NLRC5: variants seen among roughly 807,000 people sequenced by gnomAD.
NLRC5 encodes protein NLRC5.
In NLRC5, 114 loss-of-function variants were observed where a neutral mutation model predicts 206.9. That is an observed-to-expected ratio of 0.55 (90% CI 0.47 to 0.64). The LOEUF (loss-of-function observed/expected upper bound fraction) is 0.64, where lower values mean the gene tolerates loss of function less well. Among genes scored for constraint, NLRC5 ranks in the 30% least tolerant of loss-of-function variants. The pLI, the probability that NLRC5 is intolerant of heterozygous loss-of-function variation, is 0.00. For missense variants in NLRC5, 2,008 were observed against 2,305.5 expected (o/e 0.87, Z 2.64); for synonymous variants, 952 against 962.8 (o/e 0.99, Z 0.21).
intron 18 of NLRC5, among the ~76,000 whole-genome samples, chr16:57,041,775 C>T (rs1212875660): frequency 1.3e-5 from 2 of 152,164 alleles, no homozygotes; most frequent in African/African-American, 4.8e-5. Context: ...CGGAGGCTCA[C>T]CCCTGGTCCC....
At chr16:56,996,941 C>A (rs1046852407) in intron 1 of NLRC5, among the ~76,000 whole-genome samples, 14 of 152,140 alleles carry the variant, frequency 9.2e-5, no homozygotes, top group Admixed American at 7.9e-4. Flanking sequence ...GTGATCACAG[C>A]CCACTGCAGC....
chr16:57,052,973 A>G (rs2065133076), intron 24 of NLRC5: 1 of 152,270 alleles, frequency 6.6e-6, no homozygotes, highest in African/African-American at 2.4e-5. Flanking sequence ...GCCAGGGTTT[A>G]AACTTTGTAG....
At chr16:57,011,625 G>A (rs1175960886) in intron 1 of NLRC5, among the ~76,000 whole-genome samples, 2 of 151,578 alleles carry the variant, frequency 1.3e-5, no homozygotes, top group East Asian at 3.9e-4. Context: ...AGGAGGGTGA[G>A]GCAGGGGAAT....
Position 57,043,524 on chromosome 16 carries a change from G to A in NLRC5, c.3123G>A (p.Glu1041=). ...LGALQSLNLS[E]NGLSLDAVLG... ...CCCCTGTGATCTCCAGCCTCAGTGA[G>A]AACGGTTTGTCCCTGGATGCCGTGT... is the stretch of plus-strand genomic sequence containing the variant. Residue 1041 remains glutamate (E), a synonymous_variant, in exon 20 of 49, where the codon GAG becomes GAA. Coordinates refer to ENST00000688547, the MANE Select transcript of NLRC5 (RefSeq NM_001384950.1). The A allele has an allele frequency of 6.2e-7, 1 of 1,614,100 alleles. No homozygotes were observed. Among genetic ancestry groups the A allele is most frequent in the Non-Finnish European group, 8.5e-7 (1 of 1,179,972 alleles).
At chr16:57,007,074 A>C (rs1597114109) in intron 1 of NLRC5, among the ~76,000 whole-genome samples, 2 of 152,212 alleles carry the variant, frequency 1.3e-5, no homozygotes, top group East Asian at 3.9e-4. Context: ...AAAAATCAAA[A>C]TGTGCACATT....
chr16:57,029,913 C>T lies in NLRC5; in HGVS notation c.2327+57C>T, dbSNP rs1203823538. 1.2e-5 allele frequency: 20 copies of T among 1,605,932 alleles called. No homozygotes were observed. In the Admixed American group the frequency reaches 3.3e-4, roughly 27 times the overall value. ...AGTCCCTCTCTATACCTGATTCACC[C>T]CACTCCCTTGCAAGGCAAGGAAGGT... On this transcript the variant is annotated intron_variant, in intron 9 of 48. Transcript: ENST00000688547.
intron 1 of NLRC5, among the ~76,000 whole-genome samples, chr16:57,011,658 G>T (rs1351026452): frequency 4.0e-5 from 6 of 151,670 alleles, no homozygotes; most frequent in Non-Finnish European, 8.8e-5. Context: ...GGAGTAGGAG[G>T]CTGCATGAGC....
At chr16:57,011,049 C>T (rs934461809) in intron 1 of NLRC5, among the ~76,000 whole-genome samples, 1 of 152,190 alleles carries the variant, frequency 6.6e-6, no homozygotes, top group Non-Finnish European at 1.5e-5. Flanking sequence ...TGTGTAGCTT[C>T]CCAGAGTTGG....
Position 57,067,743 on chromosome 16 carries a change from C to G in NLRC5, c.4414C>G (p.Gln1472Glu). Residue 1472 changes from glutamine (Q) to glutamate (E), a missense_variant, in exon 36 of 49, where the codon CAG becomes GAG. Physicochemically the swap from Gln to Glu is conservative, Grantham distance 29. Transcript: ENST00000688547. Reference sequence around the variant, plus strand: ...ATCCTTGGACCTTTTCAGCTTGTCTCAGGTTAACCTCTGTGAGGACGATGA... The same window carrying G: ...ATCCTTGGACCTTTTCAGCTTGTCTGAGGTTAACCTCTGTGAGGACGATGA... Reference protein sequence around the residue: ...CARLQQLSLSQVNLCEDDDAS... With the variant: ...CARLQQLSLSEVNLCEDDDAS... 6.2e-7 allele frequency: 1 copy of G among 1,614,032 alleles called. No homozygotes were observed. Among genetic ancestry groups the G allele is most frequent in the Non-Finnish European group, 8.5e-7 (1 of 1,179,856 alleles).
rs768541000 is a variant in NLRC5 at position 57,029,983 on chromosome 16, A to G, written c.2328-12A>G. 2 of 1,614,082 alleles carry G rather than the reference A, an allele frequency of 1.2e-6. No homozygotes were observed. The highest frequency in any genetic ancestry group is 2.2e-5 in the East Asian group (1 of 44,884). On this transcript the variant is annotated splice_polypyrimidine_tract_variant and intron_variant, in intron 9 of 48. Coordinates refer to ENST00000688547, the MANE Select transcript of NLRC5 (RefSeq NM_001384950.1). ...GGATTCCACTCCTGACACCTTTGCC[A>G]CAATCTTGCAGCCTGAGCAGCAACA...
chr16:57,047,559 C>T lies in NLRC5; in HGVS notation c.3353C>T (p.Pro1118Leu). Residue 1118 changes from proline (P) to leucine (L), a missense_variant, in exon 23 of 49, where the codon CCT becomes CTT. Transcript: ENST00000688547. ...CCCCTTTGCAGCCTCAGTGAGTGTC[C>T]TCTGGAGCCCCCAAGCCTCACCCGC... is the stretch of plus-strand genomic sequence containing the variant. Reference protein sequence around the residue: ...IPRSLCLSECPLEPPSLTRLC... With the variant: ...IPRSLCLSECLLEPPSLTRLC... 6.2e-7 allele frequency: 1 copy of T among 1,611,944 alleles called. No individual in the cohort carries two copies. Among genetic ancestry groups the T allele is most frequent in the Non-Finnish European group, 8.5e-7 (1 of 1,179,156 alleles).
intron 1 of NLRC5, among the ~76,000 whole-genome samples, chr16:56,996,152 T>G (rs1434508914): frequency 6.6e-6 from 1 of 152,126 alleles, no homozygotes; most frequent in East Asian, 1.9e-4. Flanking sequence ...TAGTGTTTTT[T>G]GTTTTCCTTG....
chr16:57,028,426 G>A (rs1225593705), intron 8 of NLRC5, 41 bp downstream of exon 8: 1 of 1,515,344 alleles, frequency 6.6e-7, no homozygotes, highest in African/African-American at 1.4e-5. Flanking sequence ...GGGGAGATGA[G>A]CCACTGCCCA....
chr16:57,055,774 GTA>G (rs1467247457), intron 27 of NLRC5, among the ~76,000 whole-genome samples: 1 of 152,202 alleles, frequency 6.6e-6, no homozygotes, highest in Non-Finnish European at 1.5e-5. Context: ...TCAGCCTCAA[GTA>G]TGTGCAAGCT....
intron 1 of NLRC5, among the ~76,000 whole-genome samples, chr16:57,003,559 C>T (rs2058551098): frequency 6.6e-6 from 1 of 152,146 alleles, no homozygotes; most frequent in African/African-American, 2.4e-5. Context: ...GTGGGCATTG[C>T]CTTGCTCAGA....
chr16:57,072,269 C>A (rs929022509), intron 38 of NLRC5, among the ~76,000 whole-genome samples: 2 of 152,202 alleles, frequency 1.3e-5, no homozygotes, highest in Non-Finnish European at 2.9e-5. Context: ...GTACCATTCT[C>A]TCTGTGGTTA....
At chr16:57,012,516 G>A (rs575993276) in intron 1 of NLRC5, among the ~76,000 whole-genome samples, 2 of 152,286 alleles carry the variant, frequency 1.3e-5, no homozygotes, top group East Asian at 3.9e-4. Context: ...GCCATCGGGC[G>A]AGTATTACTG....
chr16:56,994,291 G>A (rs774211028), intron 1 of NLRC5, among the ~76,000 whole-genome samples: 30 of 152,142 alleles, frequency 2.0e-4, no homozygotes, highest in Non-Finnish European at 3.7e-4. Context: ...GGGGAAGGAT[G>A]GCAAAAGGGC....
chr16:57,050,551 C>G (rs1224542696), intron 23 of NLRC5, among the ~76,000 whole-genome samples: 1 of 152,174 alleles, frequency 6.6e-6, no homozygotes, highest in East Asian at 1.9e-4. Context: ...TAGTAGAGGT[C>G]TGCGGGGGTT....
Sources: gnomAD v4.1 joint callset for allele counts (sites outside exome capture counted in the v4.1 genomes callset) on GRCh38, gnomAD v4.1.1 for gene constraint, MANE v1.5 for transcripts, NCBI Gene and HGNC (gene_info 2026-07-23, HGNC 2026-07-21) for gene names.